The following GRID2 variants were observed in gnomAD, a reference collection of about 807,000 sequenced individuals.
GRID2 encodes glutamate ionotropic receptor delta type subunit 2, also known as glutamate receptor ionotropic, delta-2.
A neutral mutation model predicts 114.8 loss-of-function variants in GRID2; 33 were observed. The observed-to-expected ratio is 0.29, with a 90% CI of 0.22 to 0.38. GRID2 has a LOEUF of 0.38. GRID2 is among the 10% of genes least tolerant of loss of function. The pLI, the probability that GRID2 is intolerant of heterozygous loss-of-function variation, is 1.00. For synonymous variants in GRID2, 505 were observed against 449.9 expected (o/e 1.12, Z -1.55); for missense variants, 1,184 against 1,257.7 (o/e 0.94, Z 0.89).
chr4:92,947,194 C>T (rs578040927), intron 2 of GRID2, among the ~76,000 whole-genome samples: 109 of 152,104 alleles, frequency 7.2e-4, no homozygotes, highest in African/African-American at 2.6e-3. Context: ...TAAGTTCTAA[C>T]TCTAATTTTT....
intron 2 of GRID2, among the ~76,000 whole-genome samples, chr4:93,013,200 G>A (rs775610073): frequency 2.6e-5 from 4 of 152,030 alleles, no homozygotes; most frequent in Non-Finnish European, 4.4e-5. Flanking sequence ...GGTAGAGGAA[G>A]TTGACATAAC....
At chr4:93,222,185 TCC>T (rs1744955892) in intron 6 of GRID2, among the ~76,000 whole-genome samples, 1 of 151,930 alleles carries the variant, frequency 6.6e-6, no homozygotes, top group Non-Finnish European at 1.5e-5. Context: ...ACAGTATGAG[TCC>T]CCATCCAGGA....
chr4:93,269,237 G>A (rs901751312), intron 8 of GRID2, among the ~76,000 whole-genome samples: 2 of 152,206 alleles, frequency 1.3e-5, no homozygotes, highest in South Asian at 4.2e-4. Context: ...GTTAAAAAAT[G>A]CCAATGTCTG....
chr4:92,610,884 G>T (rs1412749902), intron 2 of GRID2, among the ~76,000 whole-genome samples: 1 of 151,552 alleles, frequency 6.6e-6, no homozygotes, highest in Non-Finnish European at 1.5e-5. Context: ...CAAGTGACAA[G>T]ATTTTTTTCT....
chr4:92,676,728 C>T (rs569724669), intron 2 of GRID2, among the ~76,000 whole-genome samples: 35 of 151,594 alleles, frequency 2.3e-4, no homozygotes, highest in African/African-American at 8.5e-4. Context: ...AAAGCAATTC[C>T]TCAAAAAAAA....
chr4:92,603,212 A>G (rs1016247168), intron 2 of GRID2, among the ~76,000 whole-genome samples: 1 of 152,220 alleles, frequency 6.6e-6, no homozygotes. Flanking sequence ...TAAAATTCAT[A>G]TGGAACCAAA....
chr4:92,887,154 T>C (rs1400464011), intron 2 of GRID2, among the ~76,000 whole-genome samples: 2 of 151,716 alleles, frequency 1.3e-5, no homozygotes, highest in East Asian at 2.0e-4. Context: ...TTCCTTGTGC[T>C]ATTTCCCATC....
intron 2 of GRID2, among the ~76,000 whole-genome samples, chr4:92,734,778 T>C (rs911938569): frequency 3.1e-4 from 47 of 151,616 alleles, no homozygotes; most frequent in Admixed American, 1.5e-3. Flanking sequence ...TTAGTTTTTT[T>C]TTTCTTTTTT....
Position 93,515,246 on chromosome 4 carries a change from A to T in GRID2, c.2028A>T (p.Glu676Asp). 6.2e-7 allele frequency: 1 copy of T among 1,602,688 alleles called. No homozygotes were observed. The highest frequency in any genetic ancestry group is 8.5e-7 in the Non-Finnish European group (1 of 1,173,086). Residue 676 changes from glutamate (E) to aspartate (D), a missense_variant, in exon 13 of 16, where the codon GAA (glutamate) becomes GAT (aspartate). By Grantham distance (45) the Glu-to-Asp change is conservative. Transcript: ENST00000282020. ...QSLQDLSKQT[E>D]IPYGTVLDSA... ...TCCAGGACCTTTCCAAGCAAACAGA[A>T]ATCCCTTATGGCACAGTCCTAGACT...
intron 2 of GRID2, among the ~76,000 whole-genome samples, chr4:92,882,200 T>C (rs78059280): frequency 0.027 from 4,086 of 152,274 alleles, 115 homozygotes; most frequent in East Asian, 0.074. Flanking sequence ...GTCTGCCAGA[T>C]TGATGGAGCC....
intron 1 of GRID2, among the ~76,000 whole-genome samples, chr4:92,364,008 T>G (rs1728739255): frequency 6.6e-6 from 1 of 151,684 alleles, no homozygotes. Context: ...TTAGTAGAGA[T>G]GGGGATTTCA....
At chr4:92,852,357 C>T (rs1414077430) in intron 2 of GRID2, among the ~76,000 whole-genome samples, 1 of 151,846 alleles carries the variant, frequency 6.6e-6, no homozygotes, top group Non-Finnish European at 1.5e-5. Context: ...TTCCAGAAGA[C>T]TGAATCATTA....
At chr4:93,379,190 T>G (rs904860470) in intron 8 of GRID2, among the ~76,000 whole-genome samples, 1 of 152,084 alleles carries the variant, frequency 6.6e-6, no homozygotes, top group African/African-American at 2.4e-5. Flanking sequence ...TCAGCTAAAC[T>G]GTATTATCTA....
At chr4:92,800,686 A>G (rs984125005) in intron 2 of GRID2, among the ~76,000 whole-genome samples, 11 of 151,950 alleles carry the variant, frequency 7.2e-5, no homozygotes, top group Non-Finnish European at 1.2e-4. Flanking sequence ...CAACTTCAGT[A>G]TGGTACAGGG....
chr4:92,833,549 A>G (rs557341967), intron 2 of GRID2: 5 of 152,204 alleles, frequency 3.3e-5, no homozygotes, highest in Non-Finnish European at 7.3e-5. Context: ...CAGAAGAAGT[A>G]ATCATATATG....
At chr4:93,423,488 A>C (rs1195777562) in intron 10 of GRID2, among the ~76,000 whole-genome samples, 1 of 151,030 alleles carries the variant, frequency 6.6e-6, no homozygotes, top group Non-Finnish European at 1.5e-5. Context: ...GCTGGACTAC[A>C]GGCGCCCGCC....
At position 93,204,327 on chromosome 4, in the gene GRID2, A is replaced by G. The variant is rs144709635; in HGVS notation, c.736-3077A>G. 4.9e-3 allele frequency among the ~76,000 whole-genome samples: 749 copies of G among 152,262 alleles called. 7 individuals are homozygous for G. Among genetic ancestry groups the G allele is most frequent in the African/African-American group, 0.017 (722 of 41,564 alleles). ...TTCTTAAAAATGCACATTAAGACAT[A>G]CAGGACTCATACTGAAGGTTCACAG... On this transcript the variant is annotated intron_variant, in intron 4 of 15. Transcript: ENST00000282020.
At position 93,559,644 on chromosome 4, in the gene GRID2, G is replaced by A. The variant is rs971186416; in HGVS notation, c.2193+44233G>A. On this transcript the variant is annotated intron_variant, in intron 13 of 15. Coordinates refer to ENST00000282020, the MANE Select transcript of GRID2 (RefSeq NM_001510.4). ...ACACTGTTGGTGGGAGTGTAAATTC[G>A]TTCAACCATTGTGGAAGACAGTGTA... 3.9e-5 allele frequency among the ~76,000 whole-genome samples: 6 copies of A among 152,142 alleles called. No homozygotes were observed. In the East Asian group the frequency reaches 5.8e-4, roughly 15 times the overall value.
intron 13 of GRID2, among the ~76,000 whole-genome samples, chr4:93,544,086 G>A (rs1304714299): frequency 6.6e-6 from 1 of 152,176 alleles, no homozygotes. Context: ...TCAGAGGAAA[G>A]TGCAGGAAAT....
Sources: gnomAD v4.1 joint callset for allele counts (sites outside exome capture counted in the v4.1 genomes callset) on GRCh38, gnomAD v4.1.1 for gene constraint, MANE v1.5 for transcripts, NCBI Gene and HGNC (gene_info 2026-07-23, HGNC 2026-07-21) for gene names.